ASIC2: variants seen among roughly 807,000 people sequenced by gnomAD.
ASIC2 encodes acid sensing ion channel subunit 2.
ASIC2 carries 25 observed loss-of-function variants against 57.3 expected under a neutral mutation model. That is an observed-to-expected ratio of 0.44 (90% CI 0.32 to 0.61). The LOEUF (loss-of-function observed/expected upper bound fraction) is 0.61, where lower values mean the gene tolerates loss of function less well. Among genes scored for constraint, ASIC2 ranks in the 20% least tolerant of loss-of-function variants. ASIC2 has a pLI of 0.06. For missense variants in ASIC2, 641 were observed against 738.1 expected (o/e 0.87, Z 1.52); for synonymous variants, 319 against 307.5 (o/e 1.04, Z -0.39).
rs567223495 is a variant in ASIC2 at position 33,734,479 on chromosome 17, C to G, written c.555+421499G>C. Among the ~76,000 whole-genome samples, 15 of 152,332 alleles carry G rather than the reference C, an allele frequency of 9.8e-5. No homozygotes were observed. In the South Asian group the frequency reaches 1.2e-3, roughly 13 times the overall value. ...TGTCCTTCCCACACCACCCGCACTT[C>G]TGGATTGCTGCCAACTGTTTACAGA... On this transcript the variant is annotated intron_variant, in intron 1 of 9. Transcript: ENST00000359872.
intron 1 of ASIC2, among the ~76,000 whole-genome samples, chr17:33,215,421 T>C (rs1332170723): frequency 2.0e-5 from 3 of 152,200 alleles, no homozygotes; most frequent in Non-Finnish European, 4.4e-5. Context: ...GAAGAATGAG[T>C]TGTAATTTAT....
chr17:33,831,085 G>C (rs1380748620), intron 1 of ASIC2, among the ~76,000 whole-genome samples: 1 of 108,954 alleles, frequency 9.2e-6, no homozygotes, highest in Non-Finnish European at 1.7e-5. Flanking sequence ...CTCCAGCCTG[G>C]GTGACAGAGT....
intron 1 of ASIC2, among the ~76,000 whole-genome samples, chr17:33,253,127 A>T (rs1349874780): frequency 2.6e-5 from 4 of 152,248 alleles, no homozygotes; most frequent in African/African-American, 9.6e-5. Flanking sequence ...TTATCACAGT[A>T]GTCCCACTTT....
chr17:33,836,809 C>T (rs999044742), intron 1 of ASIC2, among the ~76,000 whole-genome samples: 1 of 152,102 alleles, frequency 6.6e-6, no homozygotes, highest in African/African-American at 2.4e-5. Flanking sequence ...GCCAAGATCA[C>T]ACCACTGAAC....
intron 1 of ASIC2, among the ~76,000 whole-genome samples, chr17:33,782,308 G>A (rs544287517): frequency 6.7e-6 from 1 of 149,250 alleles, no homozygotes; most frequent in South Asian, 2.1e-4. Flanking sequence ...TTACATCTGT[G>A]GTCCTCTTTG....
At chr17:33,422,376 A>G (rs1757654823) in intron 1 of ASIC2, among the ~76,000 whole-genome samples, 1 of 152,206 alleles carries the variant, frequency 6.6e-6, no homozygotes. Context: ...AAGATAGAGT[A>G]GGGCATGCCA....
At chr17:34,077,738 T>A (rs1426653731) in intron 1 of ASIC2, among the ~76,000 whole-genome samples, 1 of 152,152 alleles carries the variant, frequency 6.6e-6, no homozygotes, top group African/African-American at 2.4e-5. Context: ...CACCTCCTTT[T>A]GAGCTCCAGC....
intron 1 of ASIC2, among the ~76,000 whole-genome samples, chr17:33,450,484 A>T (rs139180698): frequency 3.9e-5 from 6 of 152,210 alleles, no homozygotes; most frequent in African/African-American, 1.4e-4. Flanking sequence ...ACTGAGGGGA[A>T]GTCTTATTCT....
chr17:33,590,703 C>G (rs1486634380), intron 1 of ASIC2, among the ~76,000 whole-genome samples: 2 of 152,198 alleles, frequency 1.3e-5, no homozygotes, highest in East Asian at 3.9e-4. Flanking sequence ...CCAATCTCTC[C>G]TGACACCAAA....
chr17:33,277,636 T>A (rs979103313), intron 1 of ASIC2, among the ~76,000 whole-genome samples: 1 of 152,116 alleles, frequency 6.6e-6, no homozygotes, highest in Admixed American at 6.5e-5. Flanking sequence ...TTTGCCCTGG[T>A]GAAGATTAAT....
At chr17:33,336,914 A>G (rs1238363626) in intron 1 of ASIC2, among the ~76,000 whole-genome samples, 1 of 152,168 alleles carries the variant, frequency 6.6e-6, no homozygotes, top group East Asian at 1.9e-4. Context: ...CTCTGAATCT[A>G]CACAAATGGC....
At chr17:33,327,504 T>C (rs1390255906) in intron 1 of ASIC2, among the ~76,000 whole-genome samples, 1 of 152,188 alleles carries the variant, frequency 6.6e-6, no homozygotes, top group Non-Finnish European at 1.5e-5. Context: ...TTAACCACAA[T>C]GAAATGGATT....
intron 1 of ASIC2, among the ~76,000 whole-genome samples, chr17:34,025,403 G>A (rs1907337801): frequency 6.6e-6 from 1 of 152,140 alleles, no homozygotes; most frequent in Non-Finnish European, 1.5e-5. Flanking sequence ...TCGTGGAGTG[G>A]ACTGCTCAGT....
chr17:33,541,558 G>A (rs902950748), intron 1 of ASIC2, among the ~76,000 whole-genome samples: 5 of 152,176 alleles, frequency 3.3e-5, no homozygotes, highest in African/African-American at 4.8e-5. Context: ...CAGGAATAGG[G>A]AGGCTCAACG....
chr17:33,306,983 A>G (rs1028007290), intron 1 of ASIC2, among the ~76,000 whole-genome samples: 3 of 152,058 alleles, frequency 2.0e-5, no homozygotes, highest in African/African-American at 7.2e-5. Flanking sequence ...ATATATCTAT[A>G]TATTATATAT....
At chr17:33,133,865 C>A (rs2092357629) in intron 1 of ASIC2, among the ~76,000 whole-genome samples, 1 of 152,174 alleles carries the variant, frequency 6.6e-6, no homozygotes, top group African/African-American at 2.4e-5. Context: ...AATGCAAGGA[C>A]TTTGTGAAGG....
intron 1 of ASIC2, among the ~76,000 whole-genome samples, chr17:33,454,017 C>T (rs184015560): frequency 5.3e-5 from 8 of 152,264 alleles, no homozygotes; most frequent in African/African-American, 1.9e-4. Context: ...ACCCATTCAC[C>T]TGTTGGACAT....
chr17:33,869,476 G>A (rs978314689), intron 1 of ASIC2, among the ~76,000 whole-genome samples: 11 of 152,130 alleles, frequency 7.2e-5, no homozygotes, highest in Non-Finnish European at 1.2e-4. Context: ...TAGTCAAAAA[G>A]TAGAAACAAT....
chr17:33,373,265 A>G (rs1302532359), intron 1 of ASIC2, among the ~76,000 whole-genome samples: 1 of 152,216 alleles, frequency 6.6e-6, no homozygotes, highest in African/African-American at 2.4e-5. Context: ...GTGTTCTGAA[A>G]CCACCTTTGC....
Sources: allele counts gnomAD v4.1 joint callset (sites outside exome capture counted in the v4.1 genomes callset), GRCh38; gene constraint gnomAD v4.1.1; transcripts MANE v1.5; gene names NCBI Gene and HGNC (gene_info 2026-07-23, HGNC 2026-07-21).